The following PCDHGA5 variants were observed in gnomAD, a reference collection of about 807,000 sequenced individuals.
PCDHGA5 encodes protocadherin gamma subfamily A, 5.
A neutral mutation model predicts 56.7 loss-of-function variants in PCDHGA5; 36 were observed. That is an observed-to-expected ratio of 0.64 (90% CI 0.49 to 0.84). The LOEUF is 0.84. Ranked by LOEUF, PCDHGA5 falls within the 40% of genes least tolerant of loss-of-function variation. PCDHGA5 has a pLI of 0.00. For missense variants in PCDHGA5, 1,305 were observed against 1,201.5 expected (o/e 1.09, Z -1.27); for synonymous variants, 563 against 520.2 (o/e 1.08, Z -1.12).
intron 1 of PCDHGA5, chr5:141,484,966 G>C: frequency 1.7e-6 from 1 of 583,968 alleles, no homozygotes. Context: ...GAGCCCGGGA[G>C]CCGCTGTCTG....
At chr5:141,413,381 G>T in intron 1 of PCDHGA5, 2 of 1,613,946 alleles carry the variant, frequency 1.2e-6, no homozygotes, top group Admixed American at 1.7e-5. Context: ...CGCGGAGTCC[G>T]CATAGTCTCC....
intron 1 of PCDHGA5, chr5:141,370,604 A>G (rs1263925299): frequency 6.2e-7 from 1 of 1,613,888 alleles, no homozygotes; most frequent in Non-Finnish European, 8.5e-7. Flanking sequence ...GGGTTATTGC[A>G]GAGAAGAAAT....
intron 1 of PCDHGA5, chr5:141,413,386 GTC>G: frequency 6.2e-7 from 1 of 1,614,002 alleles, no homozygotes; most frequent in Non-Finnish European, 8.5e-7. Context: ...AGTCCGCATA[GTC>G]TCCAGAGGTA....
At chr5:141,468,697 T>A (rs2099174099) in intron 1 of PCDHGA5, 1 of 151,646 alleles carries the variant, frequency 6.6e-6, no homozygotes, top group Non-Finnish European at 1.5e-5. Context: ...AAACCCCGTC[T>A]CTACTAAAAA....
intron 1 of PCDHGA5, chr5:141,394,201 A>G (rs764975219): frequency 2.5e-6 from 4 of 1,613,874 alleles, no homozygotes; most frequent in Admixed American, 1.7e-5. Context: ...TATATCCTAG[A>G]GAACAACCTG....
intron 1 of PCDHGA5, chr5:141,393,237 A>C (rs1561641299): frequency 6.2e-7 from 1 of 1,613,684 alleles, no homozygotes; most frequent in Non-Finnish European, 8.5e-7. Context: ...AGAAGTAAAA[A>C]TTAACGAAAT....
chr5:141,394,625 G>A, intron 1 of PCDHGA5: 1 of 1,613,496 alleles, frequency 6.2e-7, no homozygotes, highest in African/African-American at 1.3e-5. Flanking sequence ...ACGCCTGGCT[G>A]TCCTACCGCC....
rs1289898516 is a variant in PCDHGA5 at position 141,487,019 on chromosome 5, C to G, written c.2422-7788C>G. ...CTATCAGCTCCTGGAGGCCCCAGAT[C>G]CCAGCCTGTTTGCAGTCTCTCGATA... On this transcript the variant is annotated intron_variant, in intron 1 of 3. Transcript: ENST00000518069. The surrounding 1 kb of genome is among the most constrained non-coding windows in gnomAD (Gnocchi z 5.0). 1 of 1,614,204 alleles carries G rather than the reference C, an allele frequency of 6.2e-7. No homozygotes were observed. The highest frequency in any genetic ancestry group is 8.5e-7 in the Non-Finnish European group (1 of 1,180,042).
intron 1 of PCDHGA5, chr5:141,376,385 C>T (rs1200175997): frequency 6.2e-7 from 1 of 1,614,120 alleles, no homozygotes; most frequent in Non-Finnish European, 8.5e-7. Flanking sequence ...TAAGAGTCAT[C>T]TGATTTTCCC....
intron 1 of PCDHGA5, chr5:141,410,671 C>T: frequency 1.3e-6 from 2 of 1,563,260 alleles, no homozygotes; most frequent in Non-Finnish European, 1.7e-6. Context: ...ACTAGTTTCT[C>T]ATATTTTAGG....
chr5:141,454,798 T>A (rs866302149), intron 1 of PCDHGA5, among the ~76,000 whole-genome samples: 2 of 58,950 alleles, frequency 3.4e-5, no homozygotes, highest in Non-Finnish European at 6.4e-5. Context: ...TGGTTCTAAT[T>A]TTTTTTTTTT....
At chr5:141,404,000 A>G (rs758512396) in intron 1 of PCDHGA5, 1 of 1,613,956 alleles carries the variant, frequency 6.2e-7, no homozygotes. Flanking sequence ...AGTGACCATT[A>G]CATCTCTGTT....
At position 141,486,417 on chromosome 5, in the gene PCDHGA5, G is replaced by T. The variant is rs1298448753; in HGVS notation, c.2422-8390G>T. On this transcript the variant is annotated intron_variant, in intron 1 of 3. Transcript: ENST00000518069. The surrounding 1 kb of genome is among the most constrained non-coding windows in gnomAD (Gnocchi z 5.0). ...CTGGTGACTGCTGGACCCTTGGATCGAGAGGCCAAATCTAGCTATGACATC... is the reference window on the plus strand; with the variant it reads ...CTGGTGACTGCTGGACCCTTGGATCTAGAGGCCAAATCTAGCTATGACATC... The T allele has an allele frequency of 6.2e-7, 1 of 1,614,014 alleles. No homozygotes were observed. The highest frequency in any genetic ancestry group is 1.7e-5 in the Admixed American group (1 of 60,010).
intron 1 of PCDHGA5, chr5:141,392,008 T>C (rs144906227): frequency 1.3e-5 from 2 of 152,186 alleles, no homozygotes; most frequent in Non-Finnish European, 2.9e-5. Flanking sequence ...ACTGCAATGG[T>C]AAAAGCATTT....
intron 1 of PCDHGA5, chr5:141,393,035 CTT>C: frequency 6.2e-7 from 1 of 1,613,790 alleles, no homozygotes; most frequent in South Asian, 1.1e-5. Flanking sequence ...GGACGCAGCT[CTT>C]TGCTCTGAAC....
chr5:141,389,215 A>G (rs2150378532), intron 1 of PCDHGA5: 1 of 1,614,010 alleles, frequency 6.2e-7, no homozygotes, highest in Non-Finnish European at 8.5e-7. Flanking sequence ...GGTGATGTAA[A>G]TGACAACGCT....
At chr5:141,409,036 C>T in intron 1 of PCDHGA5, 1 of 1,614,020 alleles carries the variant, frequency 6.2e-7, no homozygotes, top group Non-Finnish European at 8.5e-7. Context: ...CTGAGATAAA[C>T]TACTACTTCC....
chr5:141,375,914 G>A, intron 1 of PCDHGA5: 1 of 1,613,738 alleles, frequency 6.2e-7, no homozygotes, highest in Non-Finnish European at 8.5e-7. Context: ...CCTGCTCAAG[G>A]CCAGCGAGCC....
chr5:141,468,599 G>C (rs1055715232), intron 1 of PCDHGA5: 7 of 152,236 alleles, frequency 4.6e-5, no homozygotes, highest in African/African-American at 1.4e-4. Flanking sequence ...GGGCGCGGTG[G>C]CTCACGCCTG....
Sources: gnomAD v4.1 joint callset for allele counts (sites outside exome capture counted in the v4.1 genomes callset) on GRCh38, gnomAD v4.1.1 for gene constraint, Gnocchi (gnomAD v3.1) non-coding constraint, MANE v1.5 for transcripts, NCBI Gene and HGNC (gene_info 2026-07-23, HGNC 2026-07-21) for gene names.